The following IL1RAPL1 variants were observed in gnomAD, a reference collection of about 807,000 sequenced individuals.
IL1RAPL1 encodes interleukin-1 receptor accessory protein-like 1.
A neutral mutation model predicts 48.4 loss-of-function variants in IL1RAPL1; 3 were observed. The observed-to-expected ratio is 0.06, with a 90% CI of 0.03 to 0.16. The LOEUF is 0.16. Among genes scored for constraint, IL1RAPL1 ranks in the 10% least tolerant of loss-of-function variants. The pLI is 1.00. For missense variants in IL1RAPL1, 349 were observed against 530.6 expected, an observed-to-expected ratio of 0.66 and a Z score of 3.36; for synonymous variants, 185 against 187.7, an observed-to-expected ratio of 0.99 and a Z score of 0.12.
At chrX:29,144,210 C>T (rs1004786839) in intron 2 of IL1RAPL1, among the ~76,000 whole-genome samples, 3 of 111,083 alleles carry the variant, frequency 2.7e-5, no homozygotes, top group Admixed American at 9.7e-5. Flanking sequence ...TAAAGGAGGG[C>T]AGTGGCAATG....
chrX:29,178,868 CTTGTTT>C (rs1930085810), intron 2 of IL1RAPL1, among the ~76,000 whole-genome samples: 2 of 111,905 alleles, frequency 1.8e-5, no homozygotes, highest in African/African-American at 6.5e-5. Context: ...TTCCCCATTG[CTTGTTT>C]TTGTCAGGTT....
chrX:29,919,569 T>C (rs980355600), intron 7 of IL1RAPL1, among the ~76,000 whole-genome samples: 2 of 112,615 alleles, frequency 1.8e-5, no homozygotes, highest in African/African-American at 6.4e-5. Flanking sequence ...TTTAAAAAAT[T>C]AACCTGACAT....
chrX:29,227,070 A>G (rs1310839590), intron 2 of IL1RAPL1, among the ~76,000 whole-genome samples: 1 of 110,361 alleles, frequency 9.1e-6, no homozygotes, highest in Non-Finnish European at 1.9e-5. Context: ...TTATCCTATT[A>G]AATTTAATGT....
At chrX:28,907,139 A>G (rs1923239016) in intron 2 of IL1RAPL1, among the ~76,000 whole-genome samples, 1 of 111,975 alleles carries the variant, frequency 8.9e-6, no homozygotes, top group Non-Finnish European at 1.9e-5. Context: ...AGTTTTTATT[A>G]TGAATGAGTG....
chrX:28,870,613 A>G (rs969644011), intron 2 of IL1RAPL1, among the ~76,000 whole-genome samples: 1 of 111,627 alleles, frequency 9.0e-6, no homozygotes, highest in African/African-American at 3.2e-5. Flanking sequence ...GATTCCTAAC[A>G]TTCTATTAAT....
intron 2 of IL1RAPL1, among the ~76,000 whole-genome samples, chrX:29,230,528 A>AAAAAAAAAAAAAAAAAAAAAAC (rs748535251): frequency 1.0e-5 from 1 of 99,120 alleles, no homozygotes; most frequent in Non-Finnish European, 2.0e-5. Context: ...AAAAAAAAAA[A>AAAAAAAAAAAAAAAAAAAAAAC]AAAAAAACCT....
chrX:29,729,957 A>T (rs1927874131), intron 6 of IL1RAPL1, among the ~76,000 whole-genome samples: 1 of 112,027 alleles, frequency 8.9e-6, no homozygotes. Context: ...TTGTTACTTA[A>T]GCTGTGGGAT....
At chrX:29,363,602 G>A (rs187884087) in intron 3 of IL1RAPL1, among the ~76,000 whole-genome samples, 1 of 111,299 alleles carries the variant, frequency 9.0e-6, no homozygotes, top group Non-Finnish European at 1.9e-5. Flanking sequence ...AAAGAAAGGG[G>A]GTTTAATTGG....
At chrX:28,665,986 A>G (rs1373179263) in intron 1 of IL1RAPL1, among the ~76,000 whole-genome samples, 1 of 111,818 alleles carries the variant, frequency 8.9e-6, no homozygotes, top group African/African-American at 3.3e-5. Flanking sequence ...GCACTGGCCT[A>G]CACTGGCCCA....
At chrX:28,888,932 T>C (rs1222768105) in intron 2 of IL1RAPL1, among the ~76,000 whole-genome samples, 1 of 111,195 alleles carries the variant, frequency 9.0e-6, no homozygotes, top group African/African-American at 3.3e-5. Flanking sequence ...AATCTCCATT[T>C]TATGTACCAT....
chrX:28,889,333 G>T (rs905074785), intron 2 of IL1RAPL1, among the ~76,000 whole-genome samples: 2 of 111,323 alleles, frequency 1.8e-5, no homozygotes, highest in African/African-American at 6.5e-5. Flanking sequence ...ATATATTGAA[G>T]ATTCCATATC....
At chrX:29,062,259 TAGAACC>T (rs776052058) in intron 2 of IL1RAPL1, among the ~76,000 whole-genome samples, 201 of 112,306 alleles carry the variant, frequency 1.8e-3, no homozygotes, top group African/African-American at 6.1e-3. Context: ...TAAGGTGACA[TAGAACC>T]AGATATGCCT....
At chrX:29,143,124 T>C (rs1929278306) in intron 2 of IL1RAPL1, among the ~76,000 whole-genome samples, 1 of 111,686 alleles carries the variant, frequency 9.0e-6, no homozygotes, top group African/African-American at 3.3e-5. Context: ...ATCTGCAAAC[T>C]GAGTGCCTGC....
intron 6 of IL1RAPL1, among the ~76,000 whole-genome samples, chrX:29,808,226 C>T (rs1302765184): frequency 8.9e-6 from 1 of 111,736 alleles, no homozygotes; most frequent in East Asian, 2.8e-4. Flanking sequence ...AAATCATAAA[C>T]AGTAAAGTAG....
intron 5 of IL1RAPL1, among the ~76,000 whole-genome samples, chrX:29,532,512 C>A (rs943501430): frequency 9.0e-6 from 1 of 111,321 alleles, no homozygotes; most frequent in Admixed American, 9.5e-5. Context: ...CACTAATAAC[C>A]AAATCTTCAG....
intron 1 of IL1RAPL1, among the ~76,000 whole-genome samples, chrX:28,762,229 A>G (rs1936181433): frequency 8.9e-6 from 1 of 112,044 alleles, no homozygotes; most frequent in African/African-American, 3.2e-5. Flanking sequence ...GAAAGACATT[A>G]TAAAAAAAGA....
chrX:29,286,107 T>C (rs1302951745), intron 3 of IL1RAPL1, among the ~76,000 whole-genome samples: 1 of 111,820 alleles, frequency 8.9e-6, no homozygotes, highest in Non-Finnish European at 1.9e-5. Context: ...CCATTTACAC[T>C]TAAATATATG....
intron 3 of IL1RAPL1, among the ~76,000 whole-genome samples, chrX:29,349,000 G>A (rs764725525): frequency 4.0e-4 from 45 of 112,181 alleles, no homozygotes; most frequent in African/African-American, 1.5e-3. Flanking sequence ...CTGACATGAG[G>A]CAAATTGATG....
chrX:28,929,111 TG>T, intron 2 of IL1RAPL1, among the ~76,000 whole-genome samples: 1 of 111,770 alleles, frequency 8.9e-6, no homozygotes, highest in East Asian at 2.8e-4. Flanking sequence ...AATTTTTTGT[TG>T]TGGAAACATC....
Sources: allele counts gnomAD v4.1 joint callset (sites outside exome capture counted in the v4.1 genomes callset), GRCh38; gene constraint gnomAD v4.1.1; transcripts MANE v1.5; gene names NCBI Gene and HGNC (gene_info 2026-07-23, HGNC 2026-07-21).